The following CCDC40 variants were observed in gnomAD, a reference collection of about 807,000 sequenced individuals.
The protein encoded by CCDC40 is coiled-coil domain 40 molecular ruler complex subunit, also known as coiled-coil domain-containing protein 40.
CCDC40 carries 104 observed loss-of-function variants against 124.5 expected under a neutral mutation model. The ratio of observed to expected loss-of-function variants is 0.84; its 90% CI spans 0.71 to 0.98. The LOEUF is 0.98. Ranked by LOEUF, CCDC40 falls within the 50% of genes least tolerant of loss-of-function variation. CCDC40 has a pLI of 0.00. For missense variants in CCDC40, 1,463 were observed against 1,503.9 expected (o/e 0.97, Z 0.45); for synonymous variants, 580 against 602.9 (o/e 0.96, Z 0.56).
chr17:80,040,096 G>C lies in CCDC40; in HGVS notation c.378G>C (p.Glu126Asp). 3 of 1,614,164 alleles carry C rather than the reference G, an allele frequency of 1.9e-6. No homozygotes were observed. Among genetic ancestry groups the C allele is most frequent in the Non-Finnish European group, 2.5e-6 (3 of 1,180,000 alleles). ...YFSPPQELPG[E>D]EAYDSVSGEA... ...GTCCTCCTCAGGAACTGCCTGGAGA[G>C]GAGGCATACGATAGTGTTAGCGGGG... The change falls in exon 3 of 20, where the codon GAG becomes GAC. Residue 126 changes from glutamate (E) to aspartate (D), a missense_variant. Coordinates refer to ENST00000397545, the MANE Select transcript of CCDC40 (RefSeq NM_017950.4).
chr17:80,093,710 C>T (rs922773262), intron 17 of CCDC40, among the ~76,000 whole-genome samples: 1 of 151,708 alleles, frequency 6.6e-6, no homozygotes, highest in Non-Finnish European at 1.5e-5. Context: ...GACGGGATTT[C>T]ACCATGTTGG....
chr17:80,051,578 G>A (rs1598490402), intron 7 of CCDC40, among the ~76,000 whole-genome samples: 1 of 134,766 alleles, frequency 7.4e-6, no homozygotes, highest in Non-Finnish European at 1.5e-5. Context: ...GCAGTGAGCC[G>A]AGATCCCGCC....
rs1318424520 is a variant in CCDC40, at chr17:80,090,347, G to C, written c.2832+463G>C. 60 of 737,432 alleles carry C rather than the reference G, an allele frequency of 8.1e-5. 6 individuals carry two copies. In the African/African-American group the frequency reaches 2.0e-3, roughly 24 times the overall value. The allele number at this position is 737,432 out of a possible 1,614,324, so 45.7% of individuals were successfully genotyped here. On this transcript the variant is annotated intron_variant, in intron 17 of 19. Transcript: ENST00000397545. ...CGCGCGCAGGCACGTGCACGAACAA[G>C]GGACGCGCGCAGGCACGTGCACGAA...
rs372917306 is a variant in CCDC40 at position 80,040,207 on chromosome 17, C to T, written c.489C>T (p.His163=). Residue 163 remains histidine (H), a synonymous_variant, in exon 3 of 20, where the codon CAC becomes CAT. Transcript: ENST00000397545. Reference sequence around the variant, plus strand: ...GGGTCACCTCCCCAGAGCCATCCCACGGAGTCTTAGGCCCGTCGGAGCAAA... The same window carrying T: ...GGGTCACCTCCCCAGAGCCATCCCATGGAGTCTTAGGCCCGTCGGAGCAAA... ...ERRVTSPEPS[H]GVLGPSEQMG... The T allele has an allele frequency of 7.2e-5, 116 of 1,613,852 alleles. No individual in the cohort carries two copies. The highest frequency in any genetic ancestry group is 1.3e-4 in the African/African-American group (10 of 74,916).
intron 10 of CCDC40, among the ~76,000 whole-genome samples, chr17:80,072,659 T>C (rs1333898937): frequency 2.0e-5 from 3 of 152,228 alleles, no homozygotes; most frequent in Non-Finnish European, 4.4e-5. Flanking sequence ...TAGAATGTCA[T>C]ATAAATGGAA....
chr17:80,087,336 G>A lies in CCDC40; in HGVS notation c.2450-271G>A. On this transcript the variant is annotated intron_variant, in intron 14 of 19. Transcript: ENST00000397545. The surrounding 1 kb of genome is among the most constrained non-coding windows in gnomAD (Gnocchi z 4.5). Reference sequence around the variant, plus strand: ...CCTCCCACACGCCCTGCCCACACCTGCTGGCTGTCCCCACAGGCAGGTCCT... The same window carrying A: ...CCTCCCACACGCCCTGCCCACACCTACTGGCTGTCCCCACAGGCAGGTCCT... 1.9e-6 allele frequency: 1 copy of A among 517,700 alleles called. No individual in the cohort carries two copies. Among genetic ancestry groups the A allele is most frequent in the Non-Finnish European group, 3.5e-6 (1 of 285,308 alleles). The allele number at this position is 517,700 out of a possible 1,614,324, so 32.1% of individuals were successfully genotyped here. A position where few individuals can be genotyped will look rare whatever the true frequency, so the allele number is the denominator to read the frequency against.
chr17:80,056,004 A>ATTTTTTT lies in CCDC40; in HGVS notation c.1160-2489_1160-2488insTTTTTTT, dbSNP rs1262463030. 5.5e-3 allele frequency among the ~76,000 whole-genome samples: 46 copies of ATTTTTTT among 8,362 alleles called. 3 individuals are homozygous for ATTTTTTT. Among genetic ancestry groups the ATTTTTTT allele is most frequent in the Non-Finnish European group, 9.7e-3 (41 of 4,208 alleles). The allele number at this position is 8,362 out of a possible 152,430, so 5.5% of individuals were successfully genotyped here. Reference sequence around the variant, plus strand: ...TTCATATATATATATATATATATATATATATATATATATTTTTTTTTTTTT... The same window carrying ATTTTTTT: ...TTCATATATATATATATATATATATATTTTTTTTATATATATATATTTTTTTTTTTTT... On this transcript the variant is annotated intron_variant, in intron 7 of 19. Coordinates refer to ENST00000397545, the MANE Select transcript of CCDC40 (RefSeq NM_017950.4).
rs1053519799 is a variant in CCDC40 at position 80,049,480 on chromosome 17, A to G, written c.856-426A>G. ...CGGTGTGGGGCCCATCTTCGCAGCC[A>G]CTGCCTTGAGGGCACCAATTGGATC... On this transcript the variant is annotated intron_variant, in intron 5 of 19. Coordinates refer to ENST00000397545, the MANE Select transcript of CCDC40 (RefSeq NM_017950.4). Among the ~76,000 whole-genome samples the G allele has an allele frequency of 4.0e-5, 6 of 150,870 alleles. No homozygotes were observed. In the South Asian group the frequency reaches 8.4e-4, roughly 21 times the overall value.
intron 7 of CCDC40, among the ~76,000 whole-genome samples, chr17:80,056,016 A>ATATATTTTTTTTTTTTT (rs71163913): frequency 2.9e-4 from 3 of 10,252 alleles, no homozygotes; most frequent in African/African-American, 3.5e-4. Context: ...ATATATATAT[A>ATATATTTTTTTTTTTTT]TTTTTTTTTT....
intron 16 of CCDC40, 64 bp downstream of exon 16, chr17:80,088,166 G>A (rs774364743): frequency 1.3e-4 from 147 of 1,143,326 alleles, no homozygotes; most frequent in Non-Finnish European, 1.8e-4. Context: ...GCCTCTGTCC[G>A]TTGAAGACCA....
intron 4 of CCDC40, among the ~76,000 whole-genome samples, chr17:80,048,176 C>G (rs2037479576): frequency 6.6e-6 from 1 of 152,162 alleles, no homozygotes; most frequent in Non-Finnish European, 1.5e-5. Context: ...AGGAGAATCG[C>G]TTGAACCCCG....
At position 80,039,138 on chromosome 17, in the gene CCDC40, G is replaced by T. The variant is rs575764223; in HGVS notation, c.94-674G>T. On this transcript the variant is annotated intron_variant, in intron 2 of 19. Transcript: ENST00000397545. ...TCCCGGCACTTTGGGAGGCTGAGGC[G>T]GATGGATCTCTTGAGGCCAGGAATT... Among the ~76,000 whole-genome samples the T allele has an allele frequency of 3.3e-5, 5 of 152,168 alleles. No individual in the cohort carries two copies. In the South Asian group the frequency reaches 1.0e-3, roughly 32 times the overall value.
chr17:80,051,436 C>T lies in CCDC40; in HGVS notation c.1159+1153C>T, dbSNP rs370511585. On this transcript the variant is annotated intron_variant, in intron 7 of 19. Transcript: ENST00000397545. ...CGAGGTCAGGAGATCGAGACCATCC[C>T]GGCTAAAACGGTGAAACCCCGTCTC... 622 of 190,976 alleles carry T rather than the reference C, an allele frequency of 3.3e-3. 5 individuals carry two copies. The highest frequency in any genetic ancestry group is 0.013 in the African/African-American group (546 of 42,004). The allele number at this position is 190,976 out of a possible 1,614,324, so 11.8% of individuals were successfully genotyped here. A position where few individuals can be genotyped will look rare whatever the true frequency, so the allele number is the denominator to read the frequency against.
chr17:80,049,278 A>G (rs1268452492), intron 5 of CCDC40, among the ~76,000 whole-genome samples: 2 of 151,818 alleles, frequency 1.3e-5, no homozygotes, highest in Non-Finnish European at 2.9e-5. Flanking sequence ...GGTGGTGAGC[A>G]CCTGTAATCC....
intron 10 of CCDC40, chr17:80,067,234 C>T (rs1453190211): frequency 2.3e-5 from 9 of 398,078 alleles, no homozygotes; most frequent in East Asian, 9.6e-5. Context: ...CTCTGCAAAC[C>T]GTCCTCATTG....
intron 9 of CCDC40, among the ~76,000 whole-genome samples, chr17:80,064,182 C>G (rs1455709137): frequency 6.6e-6 from 1 of 152,206 alleles, no homozygotes; most frequent in Non-Finnish European, 1.5e-5. Flanking sequence ...ACCCTCACAG[C>G]CAAGCATGGT....
chr17:80,067,354 A>G (rs566593892), intron 10 of CCDC40: 3 of 591,214 alleles, frequency 5.1e-6, no homozygotes, highest in Admixed American at 5.8e-5. Flanking sequence ...AAGACAAGCA[A>G]AGGCACCTGG....
intron 10 of CCDC40, among the ~76,000 whole-genome samples, chr17:80,077,209 G>A (rs753466798): frequency 4.6e-5 from 7 of 152,034 alleles, no homozygotes; most frequent in South Asian, 2.1e-4. Flanking sequence ...CCAAGGTTCC[G>A]GCTCAACATA....
chr17:80,088,239 T>G (rs890403009), intron 16 of CCDC40, 137 bp downstream of exon 16: 1 of 724,980 alleles, frequency 1.4e-6, no homozygotes, highest in African/African-American at 1.7e-5. Context: ...TTTTTGTTGT[T>G]GTTTTGTTTT....
Sources: gnomAD v4.1 joint callset for allele counts (sites outside exome capture counted in the v4.1 genomes callset) on GRCh38, gnomAD v4.1.1 for gene constraint, Gnocchi (gnomAD v3.1) non-coding constraint, MANE v1.5 for transcripts, NCBI Gene and HGNC (gene_info 2026-07-23, HGNC 2026-07-21) for gene names.